KLHL41: variants seen among roughly 807,000 people sequenced by gnomAD.
KLHL41 encodes kelch-like protein 41.
A neutral mutation model predicts 49.2 loss-of-function variants in KLHL41; 31 were observed. The ratio of observed to expected loss-of-function variants is 0.63; its 90% confidence interval spans 0.47 to 0.85. KLHL41 has a LOEUF of 0.85. Among genes scored for constraint, KLHL41 ranks in the 40% least tolerant of loss-of-function variants. The pLI is 0.00. For missense variants in KLHL41, 663 were observed against 726.7 expected, an observed-to-expected ratio of 0.91 and a Z score of 1.01; for synonymous variants, 218 against 258.5, an observed-to-expected ratio of 0.84 and a Z score of 1.50.
chr2:169,516,697 G>A (rs114960955), intron 3 of KLHL41, among the ~76,000 whole-genome samples: 1,580 of 152,300 alleles, frequency 0.01, 16 homozygotes, highest in Non-Finnish European at 0.015. Flanking sequence ...AAATGTCAAA[G>A]TCAAGAACTT....
At chr2:169,523,622 T>C (rs1684236508) in intron 5 of KLHL41, among the ~76,000 whole-genome samples, 1 of 152,160 alleles carries the variant, frequency 6.6e-6, no homozygotes, top group African/African-American at 2.4e-5. Context: ...TTCATACCAA[T>C]TAACTCAATC....
At chr2:169,517,624 G>T (rs7600451) in intron 3 of KLHL41, among the ~76,000 whole-genome samples, 7,283 of 152,248 alleles carry the variant, frequency 0.048, 200 homozygotes, top group East Asian at 0.13. Flanking sequence ...GGTCTTTCTG[G>T]TAGCATTTAG....
At chr2:169,520,639 G>C (rs1684189222) in intron 4 of KLHL41, among the ~76,000 whole-genome samples, 1 of 151,586 alleles carries the variant, frequency 6.6e-6, no homozygotes, top group South Asian at 2.1e-4. Flanking sequence ...TTTTGGTAGA[G>C]GTGGGGTTTC....
Position 169,525,654 on chromosome 2 carries a change from C to A in KLHL41, c.1779C>A (p.Cys593Ter). The A allele has an allele frequency of 6.2e-7, 1 of 1,612,774 alleles. No individual in the cohort carries two copies. Among genetic ancestry groups the A allele is most frequent in the South Asian group, 1.1e-5 (1 of 91,038 alleles). ...KEIRYASGAS[C>*]LATRLNLFKL... ...TACGTTATGCTTCAGGAGCTAGTTG[C>A]CTAGCAACACGTTTAAATCTCTTCA... is the stretch of plus-strand genomic sequence containing the variant. Residue 593 changes from cysteine to a stop codon, truncating the protein, a stop_gained, in exon 6 of 6, where the codon TGC becomes TGA. Transcript: ENST00000284669. LOFTEE classifies it high-confidence loss of function.
chr2:169,524,508 T>C (rs144376713), intron 5 of KLHL41, among the ~76,000 whole-genome samples: 2,340 of 150,994 alleles, frequency 0.015, 67 homozygotes, highest in African/African-American at 0.054. Flanking sequence ...AGCAGTTCTC[T>C]TGCCTCAGCC....
In KLHL41 at chr2:169,510,246, ATT is replaced by A. The variant is rs768552674; in HGVS notation, c.470_471del (p.Phe157CysfsTer3). ...CPRLAISARE[F>X]VSDRFVQICK... is the part of the protein sequence containing the mutation. ...CGAGACTCGCCATTTCTGCCCGTGA[ATT>A]TGTGTCTGATCGCTTTGTACAGATT... On this transcript the variant is annotated frameshift_variant, in exon 1 of 6. Coordinates refer to ENST00000284669, the MANE Select transcript of KLHL41 (RefSeq NM_006063.3). LOFTEE classifies it high-confidence loss of function. This position sits in a 1 kb window ranked among gnomAD's most constrained non-coding sequence, Gnocchi z 4.2. 3 of 1,614,026 alleles carry A rather than the reference ATT, an allele frequency of 1.9e-6. No homozygotes were observed. Among genetic ancestry groups the A allele is most frequent in the Non-Finnish European group, 2.5e-6 (3 of 1,180,022 alleles).
rs760524187 is a variant in KLHL41, at chr2:169,510,204, ACTT to A, written c.433_435del (p.Leu145del). 4.6e-5 allele frequency: 74 copies of A among 1,613,882 alleles called. No homozygotes were observed. The highest frequency in any genetic ancestry group is 2.7e-4 in the Admixed American group (16 of 60,002). Reference sequence around the variant, plus strand: ...ACTGTCTAGCCATCCTAAGATTAGGACTTCTTCTTGACTGCCCGAGACTCGCCA... The same window carrying A: ...ACTGTCTAGCCATCCTAAGATTAGGACTTCTTGACTGCCCGAGACTCGCCA... On this transcript the variant is annotated inframe_deletion, in exon 1 of 6. Transcript: ENST00000284669. This position sits in a 1 kb window ranked among gnomAD's most constrained non-coding sequence, Gnocchi z 4.2.
In KLHL41 at chr2:169,510,260, G is replaced by A. The variant is rs574677620; in HGVS notation, c.482G>A (p.Arg161His). ...TCTGCCCGTGAATTTGTGTCTGATCGCTTTGTACAGATTTGTAAGGAAGAG... is the reference window on the plus strand; with the variant it reads ...TCTGCCCGTGAATTTGTGTCTGATCACTTTGTACAGATTTGTAAGGAAGAG... ...AISAREFVSDRFVQICKEEDF... is the reference protein window; with the variant it reads ...AISAREFVSDHFVQICKEEDF... The change falls in exon 1 of 6, where the codon CGC (arginine) becomes CAC (histidine). Residue 161 changes from arginine to histidine, a missense_variant. Arg to His is a conservative substitution (Grantham distance 29). Transcript: ENST00000284669. The surrounding 1 kb of genome is among the most constrained non-coding windows in gnomAD (Gnocchi z 4.2). The A allele has an allele frequency of 8.1e-6, 13 of 1,613,846 alleles. No individual in the cohort carries two copies. Among genetic ancestry groups the A allele is most frequent in the South Asian group, 5.5e-5 (5 of 91,066 alleles).
chr2:169,519,512 T>C (rs1416496868), intron 4 of KLHL41, among the ~76,000 whole-genome samples: 1 of 152,142 alleles, frequency 6.6e-6, no homozygotes, highest in Non-Finnish European at 1.5e-5. Flanking sequence ...TTTATATGTA[T>C]GGAAGCTTAA....
chr2:169,510,470 A>G lies in KLHL41; in HGVS notation c.692A>G (p.Tyr231Cys), dbSNP rs1684013796. 6.2e-7 allele frequency: 1 copy of G among 1,614,102 alleles called. No homozygotes were observed. Among genetic ancestry groups the G allele is most frequent in the Non-Finnish European group, 8.5e-7 (1 of 1,179,976 alleles). The change falls in exon 1 of 6, where the codon TAT (tyrosine) becomes TGT (cysteine). Residue 231 changes from tyrosine to cysteine, a missense_variant. Tyr to Cys is a radical substitution (Grantham distance 194, BLOSUM62 -2). This residue lies in a region of KLHL41 where 528 missense variants were observed against 581.0 expected (regional missense o/e 0.91). Coordinates refer to ENST00000284669, the MANE Select transcript of KLHL41 (RefSeq NM_006063.3). The surrounding 1 kb of genome is among the most constrained non-coding windows in gnomAD (Gnocchi z 4.2). ...CGTTTTCGCCTTATGACAGAAAAATATTTTAAGGATCATGTTGAGAAAGAT... is the reference window on the plus strand; with the variant it reads ...CGTTTTCGCCTTATGACAGAAAAATGTTTTAAGGATCATGTTGAGAAAGAT... ...CIRFRLMTEKYFKDHVEKDDI... is the reference protein window; with the variant it reads ...CIRFRLMTEKCFKDHVEKDDI...
At chr2:169,520,264 C>A (rs1684180330) in intron 4 of KLHL41, among the ~76,000 whole-genome samples, 1 of 122,524 alleles carries the variant, frequency 8.2e-6, no homozygotes, top group Admixed American at 8.6e-5. Context: ...CTCAAGCTAT[C>A]CTCCTGCCTC....
intron 4 of KLHL41, among the ~76,000 whole-genome samples, chr2:169,518,739 G>A (rs1467261558): frequency 1.3e-5 from 2 of 152,170 alleles, no homozygotes; most frequent in East Asian, 3.8e-4. Flanking sequence ...GAGTGCAGTG[G>A]CACAATCATA....
Position 169,509,934 on chromosome 2 carries a change from A to T in KLHL41, c.156A>T (p.Ser52=). The change falls in exon 1 of 6, where the codon TCA becomes TCT. Residue 52 remains serine (S), a synonymous_variant. Coordinates refer to ENST00000284669, the MANE Select transcript of KLHL41 (RefSeq NM_006063.3). ...TTCCTTGCCACAGATTGATTTTGTC[A>T]GCTTGTAGTCCTTACTTCCGTGAGT... ...KSLPCHRLIL[S]ACSPYFREYF... 1 of 1,614,222 alleles carries T rather than the reference A, an allele frequency of 6.2e-7. No homozygotes were observed. The highest frequency in any genetic ancestry group is 8.5e-7 in the Non-Finnish European group (1 of 1,180,034).
intron 4 of KLHL41, among the ~76,000 whole-genome samples, chr2:169,520,316 G>GTA: frequency 7.1e-6 from 1 of 139,894 alleles, no homozygotes; most frequent in Admixed American, 7.2e-5. Context: ...GTGTGTATGT[G>GTA]TGTGTGTGTG....
At chr2:169,511,184 C>A (rs186686059) in intron 1 of KLHL41, among the ~76,000 whole-genome samples, 4 of 152,166 alleles carry the variant, frequency 2.6e-5, no homozygotes, top group African/African-American at 9.6e-5. Context: ...TGACTGTAAT[C>A]CCTCAAAGCC....
rs1016737563 is a variant in KLHL41, at chr2:169,522,733, T to A, written c.1709+1726T>A. Among the ~76,000 whole-genome samples, 6 of 83,372 alleles carry A rather than the reference T, an allele frequency of 7.2e-5. No homozygotes were observed. The East Asian group carries it at 2.8e-3, about 39-fold the overall frequency. The allele number at this position is 83,372 out of a possible 152,430, so 54.7% of individuals were successfully genotyped here. On this transcript the variant is annotated intron_variant, in intron 5 of 5. Transcript: ENST00000284669. ...TTTTTTTTTTTTTTTTTTTTTTTTT[T>A]TTTTGGTGAGACAGAGTCTCACTCT...
intron 3 of KLHL41, 40 bp from the exon 4 acceptor site, chr2:169,518,150 A>C: frequency 6.6e-7 from 1 of 1,515,832 alleles, no homozygotes; most frequent in Non-Finnish European, 9.0e-7. Context: ...GTGCTGTCAA[A>C]AAAAGGTTCT....
intron 1 of KLHL41, among the ~76,000 whole-genome samples, chr2:169,511,735 A>G (rs1297324652): frequency 1.3e-5 from 2 of 152,226 alleles, no homozygotes; most frequent in African/African-American, 4.8e-5. Flanking sequence ...AGAAATTTTT[A>G]TTATATCACA....
In KLHL41 at chr2:169,521,931, T is replaced by C. The variant is rs989363035; in HGVS notation, c.1709+924T>C. Among the ~76,000 whole-genome samples, 4 of 152,048 alleles carry C rather than the reference T, an allele frequency of 2.6e-5. 1 individual carries two copies. The highest frequency in any genetic ancestry group is 7.2e-5 in the African/African-American group (3 of 41,412). ...TGAGGCTATTAAAAAAAAAGTTTGT[T>C]TTTATTTTATTTTGAACTGAGATCG... On this transcript the variant is annotated intron_variant, in intron 5 of 5. Transcript: ENST00000284669.
Sources: gnomAD v4.1 joint callset for allele counts (sites outside exome capture counted in the v4.1 genomes callset) on GRCh38, gnomAD v4.1.1 for gene constraint, gnomAD v4.1.1 regional missense constraint, Gnocchi (gnomAD v3.1) non-coding constraint, MANE v1.5 for transcripts, NCBI Gene and HGNC (gene_info 2026-07-23, HGNC 2026-07-21) for gene names.